VIPR1: variants seen among roughly 807,000 people sequenced by gnomAD.
VIPR1 encodes vasoactive intestinal polypeptide receptor 1.
A neutral mutation model predicts 58.8 loss-of-function variants in VIPR1; 59 were observed. The ratio of observed to expected loss-of-function variants is 1.00; its 90% CI spans 0.81 to 1.25. The LOEUF is 1.25. Ranked by LOEUF, VIPR1 falls within the 50% of genes most tolerant of loss-of-function variation. VIPR1 has a pLI of 0.00. For synonymous variants in VIPR1, 251 were observed against 242.1 expected (o/e 1.04, Z -0.34); for missense variants, 626 against 602.7 (o/e 1.04, Z -0.40).
rs1047120017 is a variant in VIPR1 at position 42,531,900 on chromosome 3, G to A, written c.918+31G>A. The A allele has an allele frequency of 5.0e-6, 8 of 1,613,478 alleles. No individual in the cohort carries two copies. The Admixed American group carries it at 1.2e-4, about 24-fold the overall frequency. On this transcript the variant is annotated intron_variant, in intron 9 of 12. Coordinates refer to ENST00000325123, the MANE Select transcript of VIPR1 (RefSeq NM_004624.4). The stretch of plus-strand genomic sequence containing the variant: ...ATACCCTCCCACCACCTAGAGATGG[G>A]GAAACAGGCCCAAAGGGCAGGCAAC...
intron 1 of VIPR1, among the ~76,000 whole-genome samples, chr3:42,490,131 C>A (rs1699640445): frequency 6.6e-6 from 1 of 152,132 alleles, no homozygotes. Context: ...AGTTCAGCTT[C>A]CTCCTTGCTC....
At position 42,537,429 on chromosome 3, in the gene VIPR1, A is replaced by T. The variant is rs1701915729; in HGVS notation, c.*1148A>T. The T allele has an allele frequency of 6.6e-6, 1 of 152,068 alleles. No homozygotes were observed. Among genetic ancestry groups the T allele is most frequent in the Non-Finnish European group, 1.5e-5 (1 of 68,020 alleles). 9.4% of individuals were successfully genotyped at this position (152,068 alleles called of 1,614,324 possible). The stretch of plus-strand genomic sequence containing the variant: ...TGAGGAGGCCTCCATCTCATGTATC[A>T]TCTGGATAGGAGCCTGCTGGTCACA... On this transcript the variant is annotated 3_prime_UTR_variant, in exon 13 of 13. Transcript: ENST00000325123.
At chr3:42,527,594 A>G in intron 5 of VIPR1, 98 bp downstream of exon 5, 1 of 1,145,316 alleles carries the variant, frequency 8.7e-7, no homozygotes. Context: ...CGACCCCTCC[A>G]CTGTTGCCCC....
intron 9 of VIPR1, 164 bp downstream of exon 9, chr3:42,532,033 GA>G (rs1289678610): frequency 4.3e-6 from 4 of 937,462 alleles, no homozygotes; most frequent in Non-Finnish European, 6.6e-6. Context: ...GTTCTTCCTT[GA>G]GCGTAAGCGG....
chr3:42,535,225 T>C (rs1325098396), intron 11 of VIPR1, 118 bp from the exon 12 acceptor site: 1 of 1,589,432 alleles, frequency 6.3e-7, no homozygotes, highest in Non-Finnish European at 8.6e-7. Context: ...GATAAGCACC[T>C]ACTTTGTGCT....
rs1013458004 is a variant in VIPR1, at chr3:42,530,888, T to C, written c.746T>C (p.Phe249Ser). Residue 249 changes from phenylalanine to serine, a missense_variant, in exon 7 of 13, where the codon TTC (phenylalanine) becomes TCC (serine). Phe to Ser is a radical substitution (Grantham distance 155). Transcript: ENST00000325123. ...TACACCCTGCTTGCCGTCTCCTTCT[T>C]CTCTGAGCGGAAGTACTTCTGGGGG... Reference protein sequence around the residue: ...YLYTLLAVSFFSERKYFWGYI... With the variant: ...YLYTLLAVSFSSERKYFWGYI... 3 of 1,613,960 alleles carry C rather than the reference T, an allele frequency of 1.9e-6. No homozygotes were observed. Among genetic ancestry groups the C allele is most frequent in the Non-Finnish European group, 2.5e-6 (3 of 1,179,964 alleles).
chr3:42,526,997 G>A (rs1701268123), intron 4 of VIPR1, among the ~76,000 whole-genome samples: 1 of 152,120 alleles, frequency 6.6e-6, no homozygotes, highest in Non-Finnish European at 1.5e-5. Context: ...GCCTCGAGGG[G>A]TGTCTGAAGG....
rs148165052 is a variant in VIPR1 at position 42,523,729 on chromosome 3, T to C, written c.293-2158T>C. On this transcript the variant is annotated intron_variant, in intron 3 of 12. Transcript: ENST00000325123. ...CAGATGCTTGCCATGTCATTGGGCC[T>C]GGCCTCCTCAAGCCCCGGTCCCTCT... Among the ~76,000 whole-genome samples the C allele has an allele frequency of 1.8e-3, 268 of 152,266 alleles. 1 individual carries two copies. The highest frequency in any genetic ancestry group is 4.8e-3 in the South Asian group (23 of 4,822).
intron 7 of VIPR1, chr3:42,531,224 G>A: frequency 3.3e-6 from 2 of 611,776 alleles, no homozygotes; most frequent in East Asian, 2.8e-5. Context: ...TCTATAAAGG[G>A]CCTCTGTCAC....
chr3:42,530,986 G>A, intron 7 of VIPR1, 54 bp downstream of exon 7: 1 of 1,602,472 alleles, frequency 6.2e-7, no homozygotes, highest in Non-Finnish European at 8.5e-7. Flanking sequence ...AAGGCCTGGA[G>A]AACTCCCTAG....
chr3:42,526,543 G>T (rs992751616), intron 4 of VIPR1, among the ~76,000 whole-genome samples: 3 of 152,190 alleles, frequency 2.0e-5, no homozygotes, highest in Admixed American at 6.5e-5. Context: ...CACTGCTTTG[G>T]GGTGCAAATG....
At chr3:42,527,584 C>A in intron 5 of VIPR1, 88 bp downstream of exon 5, 2 of 1,272,620 alleles carry the variant, frequency 1.6e-6, no homozygotes, top group Non-Finnish European at 2.2e-6. Flanking sequence ...AGGCGTGCCC[C>A]GACCCCTCCA....
intron 4 of VIPR1, 129 bp downstream of exon 4, chr3:42,526,122 T>C: frequency 2.3e-6 from 2 of 860,190 alleles, no homozygotes; most frequent in Non-Finnish European, 3.6e-6. Context: ...TGCCCTCCTC[T>C]AGCCTCCTCC....
intron 3 of VIPR1, among the ~76,000 whole-genome samples, chr3:42,525,669 G>A (rs144193390): frequency 2.0e-4 from 31 of 152,346 alleles, no homozygotes; most frequent in Non-Finnish European, 3.7e-4. Flanking sequence ...AAGAATGTCT[G>A]CTCTGATTCT....
intron 4 of VIPR1, among the ~76,000 whole-genome samples, chr3:42,526,671 C>T (rs891179973): frequency 6.6e-6 from 1 of 152,154 alleles, no homozygotes; most frequent in Non-Finnish European, 1.5e-5. Flanking sequence ...CTTTGAAGCC[C>T]ACTGGAGCTA....
chr3:42,495,271 A>G (rs758514621), intron 1 of VIPR1, among the ~76,000 whole-genome samples: 32 of 150,922 alleles, frequency 2.1e-4, no homozygotes, highest in Non-Finnish European at 3.7e-4. Flanking sequence ...ATAGGCGCCC[A>G]CCACCACTCC....
At chr3:42,500,218 A>G (rs1699840238), upstream of VIPR1, 1 of 152,228 alleles carries the variant, frequency 6.6e-6, no homozygotes, top group Non-Finnish European at 1.5e-5. Context: ...CAACCTGGCC[A>G]TCCAGCCCTC....
At chr3:42,493,561 A>G (rs112126054) in intron 1 of VIPR1, among the ~76,000 whole-genome samples, 8 of 152,262 alleles carry the variant, frequency 5.3e-5, no homozygotes, top group African/African-American at 1.9e-4. Context: ...GGGCTTCCCC[A>G]ACCTAACTCA....
chr3:42,532,287 A>C lies in VIPR1; in HGVS notation c.964A>C (p.Lys322Gln), dbSNP rs1283875838. 1 of 1,614,140 alleles carries C rather than the reference A, an allele frequency of 6.2e-7. No individual in the cohort carries two copies. Among genetic ancestry groups the C allele is most frequent in the South Asian group, 1.1e-5 (1 of 91,076 alleles). ...FICIIRILLQ[K>Q]LRPPDIRKSD... ...TTGCATCATCCGAATCCTGCTTCAG[A>C]AACTGCGGCCCCCAGATATCAGGAA... Residue 322 changes from lysine (K) to glutamine (Q), a missense_variant, in exon 10 of 13, where the codon AAA (lysine) becomes CAA (glutamine). Transcript: ENST00000325123.
Sources: allele counts gnomAD v4.1 joint callset (sites outside exome capture counted in the v4.1 genomes callset), GRCh38; gene constraint gnomAD v4.1.1; transcripts MANE v1.5; gene names NCBI Gene and HGNC (gene_info 2026-07-23, HGNC 2026-07-21).